NRG3: variants seen among roughly 807,000 people sequenced by gnomAD.
NRG3 encodes neuregulin 3.
In NRG3, 31 loss-of-function variants were observed where a neutral mutation model predicts 66.9. The observed-to-expected ratio is 0.46, with a 90% CI of 0.35 to 0.63. The LOEUF (loss-of-function observed/expected upper bound fraction) is 0.63, where lower values mean the gene tolerates loss of function less well. Among genes scored for constraint, NRG3 ranks in the 20% least tolerant of loss-of-function variants. NRG3 has a pLI of 0.00. For missense variants in NRG3, 910 were observed against 878.9 expected, an observed-to-expected ratio of 1.04 and a Z score of -0.45; for synonymous variants, 393 against 359.4, an observed-to-expected ratio of 1.09 and a Z score of -1.06.
In NRG3 at chr10:82,170,686, A is replaced by G. The variant is rs1396332291; in HGVS notation, c.824-188053A>G. Among the ~76,000 whole-genome samples the G allele has an allele frequency of 3.8e-3, 524 of 139,336 alleles. 8 individuals carry two copies. The highest frequency in any genetic ancestry group is 0.012 in the African/African-American group (447 of 37,740). 91.4% of individuals were successfully genotyped at this position (139,336 alleles called of 152,430 possible). ...TATATATATATATATATATATATAT[A>G]TATATATATATGTAAATATATATAG... is the stretch of plus-strand genomic sequence containing the variant. On this transcript the variant is annotated intron_variant, in intron 1 of 8. Transcript: ENST00000372141.
At chr10:82,029,337 TGCCA>T in intron 1 of NRG3, among the ~76,000 whole-genome samples, 1 of 152,272 alleles carries the variant, frequency 6.6e-6, no homozygotes, top group South Asian at 2.1e-4. Context: ...GACATAAATA[TGCCA>T]GTTTCCCAAA....
At chr10:82,408,098 A>AGAAAGAAG (rs2087728574) in intron 2 of NRG3, among the ~76,000 whole-genome samples, 1 of 126,106 alleles carries the variant, frequency 7.9e-6, no homozygotes, top group African/African-American at 3.1e-5. Flanking sequence ...AAAGAAAGAA[A>AGAAAGAAG]GAAAGAAAGA....
intron 1 of NRG3, among the ~76,000 whole-genome samples, chr10:82,015,201 G>T (rs2061732766): frequency 6.6e-6 from 1 of 152,092 alleles, no homozygotes; most frequent in Admixed American, 6.6e-5. Context: ...TCTTACTTGG[G>T]TTCTCTAAAA....
At chr10:82,884,175 A>T (rs1842535677) in intron 4 of NRG3, among the ~76,000 whole-genome samples, 1 of 152,082 alleles carries the variant, frequency 6.6e-6, no homozygotes, top group Non-Finnish European at 1.5e-5. Flanking sequence ...GAAAAAAAAG[A>T]TGTTTGTCTT....
At chr10:82,537,291 T>G (rs1024075040) in intron 2 of NRG3, among the ~76,000 whole-genome samples, 1 of 152,214 alleles carries the variant, frequency 6.6e-6, no homozygotes, top group Non-Finnish European at 1.5e-5. Context: ...TTGCCTACAT[T>G]TTCATGGAAT....
intron 4 of NRG3, among the ~76,000 whole-genome samples, chr10:82,875,833 T>A (rs1841771428): frequency 6.6e-6 from 1 of 152,254 alleles, no homozygotes; most frequent in Non-Finnish European, 1.5e-5. Context: ...TTTGGCTTAA[T>A]TATTAAGAGT....
chr10:82,513,009 A>G (rs752773129), intron 2 of NRG3, among the ~76,000 whole-genome samples: 4 of 152,158 alleles, frequency 2.6e-5, no homozygotes, highest in Non-Finnish European at 4.4e-5. Context: ...TTTGTTACAT[A>G]GGTAAATGTG....
intron 2 of NRG3, among the ~76,000 whole-genome samples, chr10:82,583,268 TTCTCCTTTAGCTCTTGCTC>T (rs530622335): frequency 0.031 from 4,676 of 152,284 alleles, 85 homozygotes; most frequent in Non-Finnish European, 0.042. Context: ...TATGAGAACA[TTCTCCTTTAGCTCTTGCTC>T]TATTAAAAAA....
chr10:82,264,664 G>T (rs911118622), intron 1 of NRG3, among the ~76,000 whole-genome samples: 2 of 152,176 alleles, frequency 1.3e-5, no homozygotes, highest in Non-Finnish European at 2.9e-5. Context: ...TAACAATGTT[G>T]CCAATGAAGG....
chr10:82,084,926 T>C (rs1411778331), intron 1 of NRG3, among the ~76,000 whole-genome samples: 1 of 152,110 alleles, frequency 6.6e-6, no homozygotes, highest in Admixed American at 6.5e-5. Flanking sequence ...CCTGAAAGTG[T>C]GCGTATGGAG....
At chr10:82,487,614 G>T (rs1842786501) in intron 2 of NRG3, among the ~76,000 whole-genome samples, 2 of 152,140 alleles carry the variant, frequency 1.3e-5, no homozygotes, top group Non-Finnish European at 2.9e-5. Context: ...TTCACATCTA[G>T]TTGGGATTAT....
intron 1 of NRG3, among the ~76,000 whole-genome samples, chr10:82,003,676 AC>A (rs1282424133): frequency 6.6e-6 from 1 of 152,160 alleles, no homozygotes; most frequent in Non-Finnish European, 1.5e-5. Context: ...ATTGCTGGTA[AC>A]CAAAATGCCA....
chr10:82,403,800 G>A (rs2087293928), intron 2 of NRG3, among the ~76,000 whole-genome samples: 1 of 151,888 alleles, frequency 6.6e-6, no homozygotes, highest in African/African-American at 2.4e-5. Flanking sequence ...CTGCCTTCTG[G>A]GCTCATTTCT....
At chr10:81,968,756 G>A (rs1338547296) in intron 1 of NRG3, among the ~76,000 whole-genome samples, 1 of 152,138 alleles carries the variant, frequency 6.6e-6, no homozygotes, top group Non-Finnish European at 1.5e-5. Context: ...TAAATTCTTG[G>A]GGAGAATAGA....
chr10:81,968,553 T>C (rs909485236), intron 1 of NRG3, among the ~76,000 whole-genome samples: 1 of 152,258 alleles, frequency 6.6e-6, no homozygotes, highest in Non-Finnish European at 1.5e-5. Context: ...GCAGGAACTC[T>C]GAGAATGCTT....
chr10:82,039,761 A>G (rs929311088), intron 1 of NRG3, among the ~76,000 whole-genome samples: 2 of 152,060 alleles, frequency 1.3e-5, no homozygotes, highest in Non-Finnish European at 2.9e-5. Context: ...GGAAGACTGG[A>G]AAATAAGTTT....
At chr10:82,793,037 T>C (rs1241420653) in intron 3 of NRG3, among the ~76,000 whole-genome samples, 1 of 152,096 alleles carries the variant, frequency 6.6e-6, no homozygotes, top group African/African-American at 2.4e-5. Flanking sequence ...TTCTCTCTCT[T>C]TTTTTATTTT....
intron 2 of NRG3, among the ~76,000 whole-genome samples, chr10:82,411,332 T>A (rs1224191656): frequency 2.6e-5 from 4 of 152,062 alleles, no homozygotes; most frequent in Non-Finnish European, 5.9e-5. Flanking sequence ...AAAGACTGAT[T>A]TTACCAAATG....
chr10:82,616,774 C>T (rs1248977810), intron 2 of NRG3, among the ~76,000 whole-genome samples: 1 of 152,122 alleles, frequency 6.6e-6, no homozygotes, highest in Admixed American at 6.6e-5. Context: ...ATGTCTCTTT[C>T]TGTTTCCATC....
Sources: allele counts gnomAD v4.1 joint callset (sites outside exome capture counted in the v4.1 genomes callset), GRCh38; gene constraint gnomAD v4.1.1; transcripts MANE v1.5; gene names NCBI Gene and HGNC (gene_info 2026-07-23, HGNC 2026-07-21).